The following FBXO24 variants were observed in gnomAD, a reference collection of about 807,000 sequenced individuals.
The protein encoded by FBXO24 is F-box only protein 24.
In FBXO24, 30 loss-of-function variants were observed where a neutral mutation model predicts 63.5. That is an observed-to-expected ratio of 0.47 (90% confidence interval 0.35 to 0.64). FBXO24 has a LOEUF of 0.64. Ranked by LOEUF, FBXO24 falls within the 30% of genes least tolerant of loss-of-function variation. FBXO24 has a pLI of 0.00. For synonymous variants in FBXO24, 300 were observed against 305.0 expected, an observed-to-expected ratio of 0.98 and a Z score of 0.17; for missense variants, 624 against 763.4, an observed-to-expected ratio of 0.82 and a Z score of 2.15.
chr7:100,600,921 C>A lies in FBXO24; in HGVS notation c.*22C>A. The A allele has an allele frequency of 6.2e-7, 1 of 1,601,044 alleles. No individual in the cohort carries two copies. Among genetic ancestry groups the A allele is most frequent in the Non-Finnish European group, 8.5e-7 (1 of 1,173,660 alleles). The stretch of plus-strand genomic sequence containing the variant: ...CTAATCCCCCTCATGCTAGCCTAGT[C>A]CCTGGAGGAGGGAGTCCGGCCCCAG... On this transcript the variant is annotated 3_prime_UTR_variant, in exon 10 of 10. Coordinates refer to ENST00000241071, the MANE Select transcript of FBXO24 (RefSeq NM_033506.3). The surrounding 1 kb of genome is among the most constrained non-coding windows in gnomAD (Gnocchi z 6.3).
In FBXO24 at chr7:100,594,654, G is replaced by A. The variant is rs1275572157; in HGVS notation, c.952+113G>A. ...GGTGAACCCCTGAGGGCATCCTAGT[G>A]AAAAGATGTGTTTAGGGCCGGCATG... On this transcript the variant is annotated intron_variant, in intron 6 of 9. Coordinates refer to ENST00000241071, the MANE Select transcript of FBXO24 (RefSeq NM_033506.3). This position sits in a 1 kb window ranked among gnomAD's most constrained non-coding sequence, Gnocchi z 4.2. 4 of 1,229,404 alleles carry A rather than the reference G, an allele frequency of 3.3e-6. No homozygotes were observed. Among genetic ancestry groups the A allele is most frequent in the Non-Finnish European group, 4.3e-6 (4 of 927,882 alleles). The allele number at this position is 1,229,404 out of a possible 1,614,324, so 76.2% of individuals were successfully genotyped here.
intron 1 of FBXO24, among the ~76,000 whole-genome samples, chr7:100,587,464 G>A (rs1261805103): frequency 2.0e-5 from 3 of 151,716 alleles, no homozygotes; most frequent in Non-Finnish European, 4.4e-5. Flanking sequence ...CACCACACCC[G>A]GCTAATTTTT....
rs776384354 is a variant in FBXO24, at chr7:100,590,302, C to T, written c.267C>T (p.Arg89=). Residue 89 remains arginine, a synonymous_variant, in exon 3 of 10, where the codon CGC becomes CGT. Coordinates refer to ENST00000241071, the MANE Select transcript of FBXO24 (RefSeq NM_033506.3). ...GCATCTGTCGCAGACTCAGTCCGCG[C>T]CTCCAAGATCAGGGTTCTGGAGTCC... ...WRRICRRLSP[R]LQDQGSGVRP... The T allele has an allele frequency of 4.3e-6, 7 of 1,614,002 alleles. No individual in the cohort carries two copies. Among genetic ancestry groups the T allele is most frequent in the Non-Finnish European group, 5.9e-6 (7 of 1,179,994 alleles).
intron 8 of FBXO24, among the ~76,000 whole-genome samples, chr7:100,599,287 G>C (rs1802466264): frequency 1.3e-5 from 2 of 151,954 alleles, no homozygotes; most frequent in South Asian, 4.2e-4. Context: ...AAATGCTAGA[G>C]TGGAGGCTGG....
intron 1 of FBXO24, chr7:100,589,290 C>T (rs1231635170): frequency 3.0e-6 from 2 of 661,612 alleles, no homozygotes; most frequent in Admixed American, 6.0e-5. Context: ...TCCCTAGAGG[C>T]CTTGGCCTGC....
At chr7:100,588,865 G>T (rs999248431) in intron 1 of FBXO24, among the ~76,000 whole-genome samples, 1 of 151,966 alleles carries the variant, frequency 6.6e-6, no homozygotes, top group Admixed American at 6.6e-5. Context: ...TATCATTCTC[G>T]CCCGGGCTGG....
chr7:100,587,356 G>A (rs1801807718), intron 1 of FBXO24, among the ~76,000 whole-genome samples: 1 of 152,064 alleles, frequency 6.6e-6, no homozygotes. Flanking sequence ...AGGCTGGAGT[G>A]CAGTGGCGCG....
Position 100,600,110 on chromosome 7 carries a change from G to T in FBXO24, c.1286G>T (p.Ser429Ile). 1 of 1,608,106 alleles carries T rather than the reference G, an allele frequency of 6.2e-7. No homozygotes were observed. Among genetic ancestry groups the T allele is most frequent in the Non-Finnish European group, 8.5e-7 (1 of 1,178,128 alleles). Residue 429 changes from serine to isoleucine, a missense_variant, in exon 9 of 10, where the codon AGC (serine) becomes ATC (isoleucine). Coordinates refer to ENST00000241071, the MANE Select transcript of FBXO24 (RefSeq NM_033506.3). This position sits in a 1 kb window ranked among gnomAD's most constrained non-coding sequence, Gnocchi z 6.3. ...GTGCTGAGCCAGAGCTCAGAGTTCA[G>T]CAAGGAGCTGCTGGGCTGCGGCTGT... Reference protein sequence around the residue: ...SLVLSQSSEFSKELLGCGCGA... With the variant: ...SLVLSQSSEFIKELLGCGCGA...
At chr7:100,599,812 T>C in intron 8 of FBXO24, 1 of 558,196 alleles carries the variant, frequency 1.8e-6, no homozygotes, top group Non-Finnish European at 3.2e-6. Context: ...TCTGGGGGCA[T>C]AGATGAGATA....
chr7:100,590,295 G>T lies in FBXO24; in HGVS notation c.260G>T (p.Ser87Ile). 6.2e-7 allele frequency: 1 copy of T among 1,614,192 alleles called. No homozygotes were observed. Among genetic ancestry groups the T allele is most frequent in the Non-Finnish European group, 8.5e-7 (1 of 1,180,012 alleles). The change falls in exon 3 of 10, where the codon AGT (serine) becomes ATT (isoleucine). Residue 87 changes from serine to isoleucine, a missense_variant. Transcript: ENST00000241071. ...TGGAGACGCATCTGTCGCAGACTCA[G>T]TCCGCGCCTCCAAGATCAGGGTTCT... is the stretch of plus-strand genomic sequence containing the variant. ...GVWRRICRRLSPRLQDQGSGV... is the reference protein window; with the variant it reads ...GVWRRICRRLIPRLQDQGSGV...
intron 8 of FBXO24, among the ~76,000 whole-genome samples, chr7:100,598,637 C>CA (rs1431371337): frequency 6.6e-6 from 1 of 151,720 alleles, no homozygotes; most frequent in African/African-American, 2.4e-5. Flanking sequence ...GCTTTTTTTT[C>CA]AAAAACAGGG....
At chr7:100,599,923 C>T in intron 8 of FBXO24, 108 bp from the exon 9 acceptor site, 1 of 1,295,734 alleles carries the variant, frequency 7.7e-7, no homozygotes, top group Non-Finnish European at 1.1e-6. Flanking sequence ...CTCCCATTTC[C>T]TCCTCCCCAG....
rs778127391 is a variant in FBXO24, at chr7:100,600,692, C to T, written c.1536C>T (p.Pro512=). The change falls in exon 10 of 10, where the codon CCC becomes CCT. Residue 512 remains proline (P), a synonymous_variant. Coordinates refer to ENST00000241071, the MANE Select transcript of FBXO24 (RefSeq NM_033506.3). This position sits in a 1 kb window ranked among gnomAD's most constrained non-coding sequence, Gnocchi z 6.3. The part of the protein sequence containing the change: ...PSLGARAPQD[P]GGMAQACEEY... ...TGGGGGCCAGAGCACCCCAGGACCC[C>T]GGGGGGATGGCCCAGGCCTGCGAGG... 65 of 1,613,990 alleles carry T rather than the reference C, an allele frequency of 4.0e-5. No individual in the cohort carries two copies. The highest frequency in any genetic ancestry group is 1.8e-4 in the South Asian group (16 of 91,086).
Position 100,586,355 on chromosome 7 carries a change from A to G in FBXO24, c.-271A>G. ...AGCGCTCGCCAACGGCCGACGCTCC[A>G]GGCCGTCCCGCCCAGCGCAGCTGCA... is the stretch of plus-strand genomic sequence containing the variant. On this transcript the variant is annotated 5_prime_UTR_variant, in exon 1 of 10. Transcript: ENST00000241071. The G allele has an allele frequency of 3.1e-6, 2 of 640,758 alleles. No individual in the cohort carries two copies. The highest frequency in any genetic ancestry group is 3.9e-5 in the South Asian group (2 of 50,958). 39.7% of individuals were successfully genotyped at this position (640,758 alleles called of 1,614,324 possible).
In FBXO24 at chr7:100,600,142, G is replaced by A. The variant is rs747891105; in HGVS notation, c.1318G>A (p.Gly440Arg). 1.3e-6 allele frequency: 2 copies of A among 1,595,430 alleles called. No individual in the cohort carries two copies. Among genetic ancestry groups the A allele is most frequent in the Non-Finnish European group, 1.7e-6 (2 of 1,171,728 alleles). ...KELLGCGCGA[G>R]GRLPGWPKGS... is the part of the protein sequence containing the mutation. Reference sequence around the variant, plus strand: ...GCTGCTGGGCTGCGGCTGTGGGGCTGGGGGCCGCCTCCCAGGCTGGCCCAA... The same window carrying A: ...GCTGCTGGGCTGCGGCTGTGGGGCTAGGGGCCGCCTCCCAGGCTGGCCCAA... Residue 440 changes from glycine to arginine, a missense_variant, in exon 9 of 10, where the codon GGG (glycine) becomes AGG (arginine). Around this residue, in one of 3 missense-constraint regions of FBXO24, gnomAD observed 216 missense variants for 245.2 expected, o/e 0.88. Transcript: ENST00000241071. This position sits in a 1 kb window ranked among gnomAD's most constrained non-coding sequence, Gnocchi z 6.3.
In FBXO24 at chr7:100,592,808, C is replaced by A. The variant is rs370324631; in HGVS notation, c.584C>A (p.Thr195Lys). The A allele has an allele frequency of 2.5e-6, 4 of 1,614,150 alleles. No homozygotes were observed. The highest frequency in any genetic ancestry group is 3.4e-6 in the Non-Finnish European group (4 of 1,180,018). Residue 195 changes from threonine (T) to lysine (K), a missense_variant, in exon 5 of 10, where the codon ACA becomes AAA. Thr to Lys is a moderately conservative substitution (Grantham distance 78). Transcript: ENST00000241071. ...KDFASDPRCD[T>K]VYRKYLYVLA... ...TTTGCCTCGGACCCAAGGTGTGACA[C>A]AGTTTACCGTAAATACCTCTACGTC... is the stretch of plus-strand genomic sequence containing the variant.
rs967085721 is a variant in FBXO24 at position 100,594,092 on chromosome 7, T to G, written c.794-291T>G. On this transcript the variant is annotated intron_variant, in intron 5 of 9. Coordinates refer to ENST00000241071, the MANE Select transcript of FBXO24 (RefSeq NM_033506.3). The surrounding 1 kb of genome is among the most constrained non-coding windows in gnomAD (Gnocchi z 4.2). ...GTGAGCCACCACACTTGACCACCTC[T>G]AAACTTCTGAATGCCAGGCAGGGCC... Among the ~76,000 whole-genome samples, 5 of 152,222 alleles carry G rather than the reference T, an allele frequency of 3.3e-5. No homozygotes were observed. Among genetic ancestry groups the G allele is most frequent in the Non-Finnish European group, 5.9e-5 (4 of 68,014 alleles).
At chr7:100,598,484 TAGAG>T (rs1399540016) in intron 8 of FBXO24, among the ~76,000 whole-genome samples, 1 of 151,852 alleles carries the variant, frequency 6.6e-6, no homozygotes, top group African/African-American at 2.4e-5. Context: ...AGTAATGTAA[TAGAG>T]AGAAAAGCGA....
chr7:100,595,426 C>A, intron 7 of FBXO24, 149 bp from the exon 8 acceptor site: 1 of 1,259,276 alleles, frequency 7.9e-7, no homozygotes, highest in Non-Finnish European at 1.1e-6. Context: ...TCTAGACCAG[C>A]CTGGGCAACA....
Sources: gnomAD v4.1 joint callset for allele counts (sites outside exome capture counted in the v4.1 genomes callset) on GRCh38, gnomAD v4.1.1 for gene constraint, gnomAD v4.1.1 regional missense constraint, Gnocchi (gnomAD v3.1) non-coding constraint, MANE v1.5 for transcripts, NCBI Gene and HGNC (gene_info 2026-07-23, HGNC 2026-07-21) for gene names.